The following LAT2 variants were observed in gnomAD, a reference collection of about 807,000 sequenced individuals.
LAT2 encodes the protein linker for activation of T-cells family member 2.
Under a neutral mutation model 43.4 loss-of-function variants are expected in LAT2, and 23 were observed. That is an observed-to-expected ratio of 0.53 (90% CI 0.38 to 0.75). The LOEUF is 0.75. Ranked by LOEUF, LAT2 falls within the 30% of genes least tolerant of loss-of-function variation. LAT2 has a pLI of 0.00. For missense variants in LAT2, 284 were observed against 310.2 expected, an observed-to-expected ratio of 0.92 and a Z score of 0.64; for synonymous variants, 128 against 123.2, an observed-to-expected ratio of 1.04 and a Z score of -0.26.
intron 1 of LAT2, among the ~76,000 whole-genome samples, chr7:74,213,693 G>A (rs1801820739): frequency 6.6e-6 from 1 of 152,162 alleles, no homozygotes; most frequent in Admixed American, 6.6e-5. Flanking sequence ...AAAGTGCTGG[G>A]ATTACAGGCG....
chr7:74,220,367 C>A lies in LAT2; in HGVS notation c.265+113C>A. 1.5e-6 allele frequency: 2 copies of A among 1,345,248 alleles called. No individual in the cohort carries two copies. Among genetic ancestry groups the A allele is most frequent in the Middle Eastern group, 2.2e-4 (1 of 4,492 alleles). The allele number at this position is 1,345,248 out of a possible 1,614,324, so 83.3% of individuals were successfully genotyped here. A position where few individuals can be genotyped will look rare whatever the true frequency, so the allele number is the denominator to read the frequency against. On this transcript the variant is annotated intron_variant, in intron 7 of 13. Transcript: ENST00000460943. The surrounding 1 kb of genome is among the most constrained non-coding windows in gnomAD (Gnocchi z 4.5). ...TGGGGGCTGCGGGGCCAGGCGAGGC[C>A]TCCCCAGGAGAGACACACAGGCTGG...
chr7:74,214,227 A>G (rs1801873222), intron 1 of LAT2, among the ~76,000 whole-genome samples: 1 of 97,120 alleles, frequency 1.0e-5, no homozygotes, highest in South Asian at 2.8e-4. Context: ...TATATATATG[A>G]AAATATATAT....
rs1367678660 is a variant in LAT2 at position 74,221,636 on chromosome 7, G to A, written c.333-1G>A. The A allele has an allele frequency of 6.2e-7, 1 of 1,613,198 alleles. No individual in the cohort carries two copies. ...TGTGTTGTATATGTTTTCTTGGCCA[G>A]AGACCCCATTGCCATGGAGTATTAC... On this transcript the variant is annotated splice_acceptor_variant, in intron 9 of 13. Coordinates refer to ENST00000460943, the MANE Select transcript of LAT2 (RefSeq NM_032464.3). LOFTEE classifies it high-confidence loss of function.
In LAT2 at chr7:74,220,222, AC is replaced by A; in HGVS notation, c.234del (p.Asp78GlufsTer34). 6.2e-7 allele frequency: 1 copy of A among 1,610,624 alleles called. No individual in the cohort carries two copies. On this transcript the variant is annotated frameshift_variant, in exon 7 of 14. Coordinates refer to ENST00000460943, the MANE Select transcript of LAT2 (RefSeq NM_032464.3). LOFTEE classifies it high-confidence loss of function. The surrounding 1 kb of genome is among the most constrained non-coding windows in gnomAD (Gnocchi z 4.5). ...CTCCTTCCCCCTCCCTGCAGGAAGG[AC>A]AAGCTGTTGCAATTCTACCCCAGCC... ...PLADMAPTRK[D>X]KLLQFYPSLE...
chr7:74,224,053 G>A lies in LAT2; in HGVS notation c.484G>A (p.Gly162Arg), dbSNP rs868920577. 7 of 1,614,052 alleles carry A rather than the reference G, an allele frequency of 4.3e-6. No individual in the cohort carries two copies. In the African/African-American group the frequency reaches 9.3e-5, roughly 22 times the overall value. The change falls in exon 12 of 14, where the codon GGG (glycine) becomes AGG (arginine). Residue 162 changes from glycine to arginine, a missense_variant. By Grantham distance (125) the Gly-to-Arg change is moderately radical. Coordinates refer to ENST00000460943, the MANE Select transcript of LAT2 (RefSeq NM_032464.3). The stretch of plus-strand genomic sequence containing the variant: ...GGAGGGCATAGGTGGCCTCTGCAGA[G>A]GGGACCTCAGCCTGTCACTGGCCCT... ...QQEGIGGLCR[G>R]DLSLSLALKT...
At chr7:74,213,792 A>T (rs1801827852) in intron 1 of LAT2, among the ~76,000 whole-genome samples, 1 of 151,936 alleles carries the variant, frequency 6.6e-6, no homozygotes, top group Middle Eastern at 3.4e-3. Context: ...GATGGGGAGA[A>T]GCCCTCCTCA....
intron 2 of LAT2, chr7:74,215,231 C>T (rs1348546387): frequency 6.5e-6 from 1 of 152,824 alleles, no homozygotes; most frequent in Non-Finnish European, 1.5e-5. Flanking sequence ...GGATCATGCT[C>T]TTGGGCCACC....
chr7:74,227,776 G>A (rs1802543647), intron 13 of LAT2, among the ~76,000 whole-genome samples: 1 of 152,148 alleles, frequency 6.6e-6, no homozygotes, highest in South Asian at 2.1e-4. Flanking sequence ...GGAGGTTGAG[G>A]CGGGAGGATA....
intron 10 of LAT2, among the ~76,000 whole-genome samples, chr7:74,222,298 G>C (rs1453754167): frequency 6.6e-6 from 1 of 151,110 alleles, no homozygotes; most frequent in Admixed American, 6.6e-5. Context: ...CTACTTGGGA[G>C]GCTGAGACAG....
In LAT2 at chr7:74,224,031, G is replaced by A. The variant is rs980513715; in HGVS notation, c.462G>A (p.Glu154=). 1.2e-6 allele frequency: 2 copies of A among 1,613,938 alleles called. No homozygotes were observed. Among genetic ancestry groups the A allele is most frequent in the Non-Finnish European group, 8.5e-7 (1 of 1,179,958 alleles). ...CCCTCTCTGCAGGTGCCCAGCAGGA[G>A]GGCATAGGTGGCCTCTGCAGAGGGG... ...QKTTETGAQQ[E]GIGGLCRGDL... Residue 154 remains glutamate, a synonymous_variant, in exon 12 of 14, where the codon GAG becomes GAA. Coordinates refer to ENST00000460943, the MANE Select transcript of LAT2 (RefSeq NM_032464.3).
At chr7:74,216,405 C>G (rs1802049578) in intron 3 of LAT2, among the ~76,000 whole-genome samples, 1 of 152,018 alleles carries the variant, frequency 6.6e-6, no homozygotes, top group South Asian at 2.1e-4. Context: ...GAGTCTTGCT[C>G]TGGTCTCCCA....
intron 1 of LAT2, among the ~76,000 whole-genome samples, chr7:74,213,262 C>T (rs1326217909): frequency 6.6e-5 from 10 of 151,238 alleles, no homozygotes; most frequent in Admixed American, 5.3e-4. Flanking sequence ...GGATTACAGG[C>T]GCCCACCACC....
chr7:74,214,433 AAT>A (rs375140430), intron 1 of LAT2, among the ~76,000 whole-genome samples: 12 of 35,200 alleles, frequency 3.4e-4, no homozygotes, highest in African/African-American at 1.1e-3. Context: ...TATATATGAA[AAT>A]ATATATATAA....
In LAT2 at chr7:74,214,280, A is replaced by G. The variant is rs1288165751; in HGVS notation, c.-218-542A>G. ...TATATATATATGAAAATATATATATAAATATATATATGAAAATATATATAT... is the reference window on the plus strand; with the variant it reads ...TATATATATATGAAAATATATATATGAATATATATATGAAAATATATATAT... On this transcript the variant is annotated intron_variant, in intron 1 of 13. Transcript: ENST00000460943. Among the ~76,000 whole-genome samples the G allele has an allele frequency of 5.8e-3, 460 of 79,512 alleles. 5 individuals carry two copies. Among genetic ancestry groups the G allele is most frequent in the Non-Finnish European group, 8.2e-3 (384 of 47,046 alleles). 52.2% of individuals were successfully genotyped at this position (79,512 alleles called of 152,430 possible). A position where few individuals can be genotyped will look rare whatever the true frequency, so the allele number is the denominator to read the frequency against.
At position 74,220,169 on chromosome 7, in the gene LAT2, T is replaced by C; in HGVS notation, c.228-48T>C. On this transcript the variant is annotated intron_variant, in intron 6 of 13. Transcript: ENST00000460943. The surrounding 1 kb of genome is among the most constrained non-coding windows in gnomAD (Gnocchi z 4.5). Reference sequence around the variant, plus strand: ...ATGGGGGGATGTGTCCTGGGGGGCCTCTCCCCTACAGCCCCTCCTTTAACT... The same window carrying C: ...ATGGGGGGATGTGTCCTGGGGGGCCCCTCCCCTACAGCCCCTCCTTTAACT... The C allele has an allele frequency of 1.9e-6, 3 of 1,572,156 alleles. No homozygotes were observed. Among genetic ancestry groups the C allele is most frequent in the Non-Finnish European group, 2.6e-6 (3 of 1,153,544 alleles).
chr7:74,229,555 C>G lies in LAT2; in HGVS notation c.*630C>G, dbSNP rs1385173738. ...TTCACTCAGGAAGAAATGAGGCTGTCGCCATCTTTATGTGCTTCCAGTGGA... is the reference window on the plus strand; with the variant it reads ...TTCACTCAGGAAGAAATGAGGCTGTGGCCATCTTTATGTGCTTCCAGTGGA... On this transcript the variant is annotated 3_prime_UTR_variant, in exon 14 of 14. Transcript: ENST00000460943. 6.5e-6 allele frequency: 1 copy of G among 152,692 alleles called. No individual in the cohort carries two copies. Among genetic ancestry groups the G allele is most frequent in the Admixed American group, 6.5e-5 (1 of 15,280 alleles). 9.5% of individuals were successfully genotyped at this position (152,692 alleles called of 1,614,324 possible).
rs532296044 is a variant in LAT2, at chr7:74,224,223, G to T, written c.628+26G>T. 9 of 1,607,482 alleles carry T rather than the reference G, an allele frequency of 5.6e-6. No homozygotes were observed. The East Asian group carries it at 1.3e-4, about 24-fold the overall frequency. On this transcript the variant is annotated intron_variant, in intron 12 of 13. Transcript: ENST00000460943. ...GTAGGTGGCCGGGAGAAGAGGCAGG[G>T]TGGTCCACTTAGGGCAGGCTTGAGG...
chr7:74,212,273 T>TTTATTA (rs527983800), intron 1 of LAT2, among the ~76,000 whole-genome samples: 3 of 150,942 alleles, frequency 2.0e-5, no homozygotes, highest in African/African-American at 4.8e-5. Flanking sequence ...ATTTATTTAA[T>TTTATTA]TTATTATTAT....
At position 74,220,712 on chromosome 7, in the gene LAT2, C is replaced by T. The variant is rs781862465; in HGVS notation, c.310C>T (p.His104Tyr). Residue 104 changes from histidine to tyrosine, a missense_variant, in exon 9 of 14, where the codon CAC becomes TAC. Physicochemically the swap from His to Tyr is moderately conservative, Grantham distance 83. Coordinates refer to ENST00000460943, the MANE Select transcript of LAT2 (RefSeq NM_032464.3). The surrounding 1 kb of genome is among the most constrained non-coding windows in gnomAD (Gnocchi z 4.5). Reference protein sequence around the residue: ...RYQNFSKGSRHGSEEAYIDPI... With the variant: ...RYQNFSKGSRYGSEEAYIDPI... ...CTCGCCTCCTCCCGCAGGAAGCAGA[C>T]ACGGGTCGGAGGAAGCCTACATGTG... is the stretch of plus-strand genomic sequence containing the variant. The T allele has an allele frequency of 6.2e-7, 1 of 1,607,538 alleles. No homozygotes were observed. Among genetic ancestry groups the T allele is most frequent in the East Asian group, 2.2e-5 (1 of 44,700 alleles).
Sources: gnomAD v4.1 joint callset for allele counts (sites outside exome capture counted in the v4.1 genomes callset) on GRCh38, gnomAD v4.1.1 for gene constraint, Gnocchi (gnomAD v3.1) non-coding constraint, MANE v1.5 for transcripts, NCBI Gene and HGNC (gene_info 2026-07-23, HGNC 2026-07-21) for gene names.